Variants in RTL9 observed in about 807,000 individuals in gnomAD.
The protein encoded by RTL9 is retrotransposon Gag-like protein 9.
A neutral mutation model predicts 44.7 loss-of-function variants in RTL9; 19 were observed. The observed-to-expected ratio is 0.42, with a 90% confidence interval of 0.30 to 0.62. RTL9 has a LOEUF of 0.62. RTL9 is among the 20% of genes least tolerant of loss of function. The probability of loss-of-function intolerance (pLI) is 0.16; values close to 1 mark genes in which losing one functional copy is unlikely to be tolerated. For missense variants in RTL9, 1,105 were observed against 1,080.6 expected (o/e 1.02, Z -0.32); for synonymous variants, 407 against 398.9 (o/e 1.02, Z -0.24).
At chrX:110,402,174 G>C (rs2068569889) in intron 1 of RTL9, among the ~76,000 whole-genome samples, 1 of 112,823 alleles carries the variant, frequency 8.9e-6, no homozygotes, top group Admixed American at 9.3e-5. Context: ...CTTGCTCTGA[G>C]GAATGTTGCT....
At chrX:110,373,890 A>G (rs919642168) in intron 1 of RTL9, among the ~76,000 whole-genome samples, 2 of 112,306 alleles carry the variant, frequency 1.8e-5, no homozygotes, top group Non-Finnish European at 3.8e-5. Context: ...AAAAAGTCAA[A>G]TGACAGTTTA....
chrX:110,443,515 G>T (rs1156467200), intron 1 of RTL9, among the ~76,000 whole-genome samples: 6 of 112,227 alleles, frequency 5.3e-5, no homozygotes. Flanking sequence ...ACACAACCAA[G>T]GTCAATGTCA....
chrX:110,383,405 G>A (rs1042152325), intron 1 of RTL9, among the ~76,000 whole-genome samples: 4 of 111,500 alleles, frequency 3.6e-5, no homozygotes, highest in Admixed American at 9.5e-5. Flanking sequence ...TAAATAAAAA[G>A]TGGCAGAATC....
intron 1 of RTL9, among the ~76,000 whole-genome samples, chrX:110,441,650 A>T (rs1359869722): frequency 1.8e-5 from 2 of 112,228 alleles, no homozygotes; most frequent in African/African-American, 3.2e-5. Context: ...GATAATACCC[A>T]GTGATCAAAC....
intron 1 of RTL9, among the ~76,000 whole-genome samples, chrX:110,386,465 T>G (rs1365674408): frequency 1.8e-5 from 2 of 111,411 alleles, no homozygotes; most frequent in African/African-American, 6.5e-5. Context: ...TTCATGTGTT[T>G]ATTGACCATT....
rs187580187 is a variant in RTL9 at position 110,401,150 on chromosome X, T to C, written c.-168+42234T>C. ...CATTCAGAGGAGTAACAAAGATACATAGCAAGTAGGCTGCAAAGCTAGGAT... is the reference window on the plus strand; with the variant it reads ...CATTCAGAGGAGTAACAAAGATACACAGCAAGTAGGCTGCAAAGCTAGGAT... On this transcript the variant is annotated intron_variant, in intron 1 of 2. Transcript: ENST00000520821. Among the ~76,000 whole-genome samples, 3 of 112,389 alleles carry C rather than the reference T, an allele frequency of 2.7e-5. No homozygotes were observed. In the East Asian group the frequency reaches 8.4e-4, roughly 31 times the overall value.
chrX:110,448,184 T>C (rs960421548), upstream of RTL9, among the ~76,000 whole-genome samples: 1 of 111,138 alleles, frequency 9.0e-6, no homozygotes. Flanking sequence ...ATTACAGGGC[T>C]CTATTAAGGT....
At chrX:110,386,295 G>GTTATT (rs1180611781) in intron 1 of RTL9, among the ~76,000 whole-genome samples, 1 of 108,126 alleles carries the variant, frequency 9.2e-6, no homozygotes, top group African/African-American at 3.3e-5. Flanking sequence ...ATCAACACTT[G>GTTATT]TTATTTTATT....
chrX:110,455,367 T>G, exon 2 of RTL9: 3 of 1,194,718 alleles, frequency 2.5e-6, no homozygotes, highest in Non-Finnish European at 3.4e-6. Context: ...GACCGCTAAC[T>G]GGAGGACTGG....
At chrX:110,370,640 G>T (rs942114765) in intron 1 of RTL9, among the ~76,000 whole-genome samples, 7 of 111,838 alleles carry the variant, frequency 6.3e-5, no homozygotes, top group Admixed American at 5.7e-4. Flanking sequence ...AAACCTGTAG[G>T]CTTTCCCTAC....
chrX:110,409,840 G>C (rs1402561221), intron 1 of RTL9, among the ~76,000 whole-genome samples: 3 of 111,353 alleles, frequency 2.7e-5, no homozygotes, highest in Non-Finnish European at 3.8e-5. Context: ...TGGTACATAA[G>C]TACAGAGGGA....
At chrX:110,390,245 T>C (rs2068485672) in intron 1 of RTL9, among the ~76,000 whole-genome samples, 1 of 112,315 alleles carries the variant, frequency 8.9e-6, no homozygotes, top group Admixed American at 9.4e-5. Context: ...GAGTCCCTTG[T>C]AGATCCATGA....
At chrX:110,442,031 C>T (rs1259657121) in intron 1 of RTL9, among the ~76,000 whole-genome samples, 1 of 111,040 alleles carries the variant, frequency 9.0e-6, no homozygotes, top group Non-Finnish European at 1.9e-5. Context: ...AGCTCTTATC[C>T]ACCTTCTCTG....
upstream of RTL9, among the ~76,000 whole-genome samples, chrX:110,418,691 G>C (rs1192281941): frequency 9.0e-6 from 1 of 111,603 alleles, no homozygotes; most frequent in Non-Finnish European, 1.9e-5. Context: ...GGACCTTATG[G>C]GATCAGAGAC....
chrX:110,387,729 G>A (rs1030836571), intron 1 of RTL9, among the ~76,000 whole-genome samples: 3 of 111,450 alleles, frequency 2.7e-5, no homozygotes, highest in African/African-American at 9.8e-5. Flanking sequence ...ACTTCTCAAC[G>A]GAATGTTCTT....
At chrX:110,444,389 C>T (rs1223238978) in intron 1 of RTL9, among the ~76,000 whole-genome samples, 4 of 112,633 alleles carry the variant, frequency 3.6e-5, no homozygotes, top group South Asian at 3.7e-4. Context: ...TGTGTTGATA[C>T]CTTAACTGTG....
intron 1 of RTL9, among the ~76,000 whole-genome samples, chrX:110,380,981 A>G (rs954110457): frequency 8.9e-6 from 1 of 112,570 alleles, no homozygotes; most frequent in Non-Finnish European, 1.9e-5. Context: ...ACTTCAAACT[A>G]TAAAAACTCC....
intron 1 of RTL9, among the ~76,000 whole-genome samples, chrX:110,373,869 A>G (rs958580264): frequency 3.6e-5 from 4 of 112,407 alleles, no homozygotes; most frequent in Admixed American, 9.4e-5. Context: ...TCTAGCCCCA[A>G]TGAAATATTT....
intron 1 of RTL9, among the ~76,000 whole-genome samples, chrX:110,421,497 C>T (rs1393863297): frequency 1.8e-5 from 2 of 112,583 alleles, no homozygotes; most frequent in Non-Finnish European, 3.7e-5. Context: ...AGGACTTGTG[C>T]TTTCATTGCA....
Sources: allele counts gnomAD v4.1 joint callset (sites outside exome capture counted in the v4.1 genomes callset), GRCh38; gene constraint gnomAD v4.1.1; transcripts MANE v1.5; gene names NCBI Gene and HGNC (gene_info 2026-07-23, HGNC 2026-07-21).